Variants in RAB38 observed in about 807,000 individuals in gnomAD.
RAB38 encodes RAB38, member RAS oncogene family.
RAB38 carries 15 observed loss-of-function variants against 18.4 expected under a neutral mutation model. That is an observed-to-expected ratio of 0.82 (90% CI 0.55 to 1.26). The LOEUF is 1.26. Among genes scored for constraint, RAB38 ranks in the 50% most tolerant of loss-of-function variants. The pLI, the probability that RAB38 is intolerant of heterozygous loss-of-function variation, is 0.00. For synonymous variants in RAB38, 101 were observed against 104.4 expected (o/e 0.97, Z 0.20); for missense variants, 294 against 267.4 (o/e 1.10, Z -0.69).
At chr11:87,912,278 A>T in the RAB38 span, among the ~76,000 whole-genome samples, 1 of 151,914 alleles carries the variant, frequency 6.6e-6, no homozygotes, top group Non-Finnish European at 1.5e-5. Flanking sequence ...TAGAAGTTGC[A>T]TTATTTTTTC....
chr11:87,818,086 C>T, the RAB38 span, among the ~76,000 whole-genome samples: 3 of 152,066 alleles, frequency 2.0e-5, no homozygotes, highest in Non-Finnish European at 2.9e-5. Context: ...GTCAGAATCA[C>T]CTGAAGGTCT....
the RAB38 span, among the ~76,000 whole-genome samples, chr11:88,064,635 A>G: frequency 2.6e-4 from 39 of 152,228 alleles, no homozygotes; most frequent in Non-Finnish European, 5.3e-4. Context: ...ACTAGCATTA[A>G]TTACCTTAGA....
chr11:87,891,255 G>A, the RAB38 span, among the ~76,000 whole-genome samples: 1 of 151,794 alleles, frequency 6.6e-6, no homozygotes, highest in African/African-American at 2.4e-5. Flanking sequence ...ACATCGAACA[G>A]ACACCCTAAA....
At chr11:87,887,747 C>T in the RAB38 span, among the ~76,000 whole-genome samples, 2 of 151,820 alleles carry the variant, frequency 1.3e-5, no homozygotes, top group South Asian at 2.1e-4. Flanking sequence ...AGGAAAAAGG[C>T]AAATTCATGA....
the RAB38 span, among the ~76,000 whole-genome samples, chr11:88,062,431 A>G: frequency 6.6e-6 from 1 of 152,172 alleles, no homozygotes; most frequent in Non-Finnish European, 1.5e-5. Flanking sequence ...TCTTTTCTTT[A>G]TAAATTACCC....
chr11:88,049,131 G>A, the RAB38 span, among the ~76,000 whole-genome samples: 4 of 151,766 alleles, frequency 2.6e-5, no homozygotes, highest in East Asian at 3.9e-4. Context: ...GAGAAACATC[G>A]CCCATTATCT....
At chr11:88,025,733 T>C in the RAB38 span, among the ~76,000 whole-genome samples, 3 of 152,192 alleles carry the variant, frequency 2.0e-5, no homozygotes, top group Non-Finnish European at 4.4e-5. Context: ...GTTTTTTGCT[T>C]GTTCAATTAT....
chr11:88,103,935 CAGA>C, the RAB38 span, among the ~76,000 whole-genome samples: 1 of 152,078 alleles, frequency 6.6e-6, no homozygotes, highest in East Asian at 1.9e-4. Context: ...GCTTTCTTGC[CAGA>C]AGGTGTCGTC....
chr11:88,032,818 G>A, the RAB38 span, among the ~76,000 whole-genome samples: 1 of 152,204 alleles, frequency 6.6e-6, no homozygotes, highest in Admixed American at 6.5e-5. Flanking sequence ...AGACAGTGTG[G>A]CGATTCCTCA....
At chr11:88,034,746 C>T in the RAB38 span, among the ~76,000 whole-genome samples, 1 of 152,090 alleles carries the variant, frequency 6.6e-6, no homozygotes, top group African/African-American at 2.4e-5. Flanking sequence ...TACACCTTTA[C>T]TGTGATTGGA....
At chr11:88,170,389 C>A (rs1157165726) in intron 1 of RAB38, among the ~76,000 whole-genome samples, 1 of 152,208 alleles carries the variant, frequency 6.6e-6, no homozygotes, top group East Asian at 1.9e-4. Context: ...ACTACTTTGA[C>A]ATTTAAGACC....
chr11:88,173,971 T>G (rs1216811130), intron 1 of RAB38: 1 of 985,316 alleles, frequency 1.0e-6, no homozygotes. Flanking sequence ...ATCAAATGCA[T>G]CAGCTAAAAT....
At chr11:88,065,395 C>A in the RAB38 span, among the ~76,000 whole-genome samples, 1 of 152,218 alleles carries the variant, frequency 6.6e-6, no homozygotes, top group South Asian at 2.1e-4. Flanking sequence ...CCCCAAGATG[C>A]TGAGCTTTGA....
At chr11:87,937,870 G>GTTTTTTTTTTT in the RAB38 span, among the ~76,000 whole-genome samples, 1 of 92,024 alleles carries the variant, frequency 1.1e-5, no homozygotes, top group East Asian at 3.4e-4. Flanking sequence ...TCATTGAAGT[G>GTTTTTTTTTTT]TTTTTTTTTT....
the RAB38 span, among the ~76,000 whole-genome samples, chr11:88,028,523 G>A: frequency 1.3e-5 from 2 of 152,146 alleles, no homozygotes; most frequent in Non-Finnish European, 1.5e-5. Flanking sequence ...CCAATACAGA[G>A]AAGTGCTTAA....
At chr11:87,939,822 G>T in the RAB38 span, among the ~76,000 whole-genome samples, 1 of 152,236 alleles carries the variant, frequency 6.6e-6, no homozygotes, top group Admixed American at 6.5e-5. Flanking sequence ...AGCCTGGGAG[G>T]CAGAGGCTAC....
the RAB38 span, among the ~76,000 whole-genome samples, chr11:87,818,280 T>C: frequency 6.6e-6 from 1 of 152,214 alleles, no homozygotes; most frequent in Non-Finnish European, 1.5e-5. Flanking sequence ...ATAATTTTTA[T>C]ATTCCTCAAA....
the RAB38 span, among the ~76,000 whole-genome samples, chr11:87,832,123 A>G: frequency 6.6e-6 from 1 of 152,208 alleles, no homozygotes; most frequent in Non-Finnish European, 1.5e-5. Flanking sequence ...TCATTTTTGC[A>G]GTAAAATACT....
the RAB38 span, among the ~76,000 whole-genome samples, chr11:87,939,709 AAAAG>A: frequency 6.6e-6 from 1 of 151,972 alleles, no homozygotes; most frequent in Non-Finnish European, 1.5e-5. Flanking sequence ...AAGAGAAAGA[AAAAG>A]AAAAGAAAAA....
Sources: allele counts gnomAD v4.1 joint callset (sites outside exome capture counted in the v4.1 genomes callset), GRCh38; gene constraint gnomAD v4.1.1; transcripts MANE v1.5; gene names NCBI Gene and HGNC (gene_info 2026-07-23, HGNC 2026-07-21).